CBFA2T2: variants seen among roughly 807,000 people sequenced by gnomAD.
The protein encoded by CBFA2T2 is protein CBFA2T2.
Under a neutral mutation model 62.2 loss-of-function variants are expected in CBFA2T2, and 11 were observed. The observed-to-expected ratio is 0.18, with a 90% CI of 0.11 to 0.29. The LOEUF (loss-of-function observed/expected upper bound fraction) is 0.29, where lower values mean the gene tolerates loss of function less well. Among genes scored for constraint, CBFA2T2 ranks in the 10% least tolerant of loss-of-function variants. The pLI, the probability that CBFA2T2 is intolerant of heterozygous loss-of-function variation, is 1.00. For missense variants in CBFA2T2, 592 were observed against 774.1 expected (o/e 0.76, Z 2.79); for synonymous variants, 295 against 287.5 (o/e 1.03, Z -0.27).
At chr20:33,628,676 C>T (rs1470078052) in intron 7 of CBFA2T2, among the ~76,000 whole-genome samples, 1 of 152,124 alleles carries the variant, frequency 6.6e-6, no homozygotes, top group African/African-American at 2.4e-5. Context: ...GCCATGTTGG[C>T]CAGGCTGGTC....
chr20:33,616,076 TAGAGATAG>T (rs1177182339), intron 3 of CBFA2T2, among the ~76,000 whole-genome samples: 1 of 128,158 alleles, frequency 7.8e-6, no homozygotes, highest in African/African-American at 2.9e-5. Context: ...ACTCTGTAGA[TAGAGATAG>T]ATAGATAGAT....
intron 1 of CBFA2T2, among the ~76,000 whole-genome samples, chr20:33,507,174 T>A (rs1396216559): frequency 1.3e-5 from 2 of 152,184 alleles, no homozygotes; most frequent in Non-Finnish European, 2.9e-5. Flanking sequence ...AGTTATTGAT[T>A]TTCTAGGATA....
At chr20:33,589,898 T>G (rs2014538800) in intron 1 of CBFA2T2, among the ~76,000 whole-genome samples, 1 of 152,156 alleles carries the variant, frequency 6.6e-6, no homozygotes, top group African/African-American at 2.4e-5. Context: ...CTAAGAAATT[T>G]CAATATATAA....
chr20:33,573,083 TC>T (rs1436751416), intron 1 of CBFA2T2, among the ~76,000 whole-genome samples: 3 of 152,216 alleles, frequency 2.0e-5, no homozygotes, highest in African/African-American at 7.2e-5. Flanking sequence ...TCCTTATTAT[TC>T]ATCCATTCAT....
chr20:33,502,974 C>G (rs1450667375), intron 1 of CBFA2T2, among the ~76,000 whole-genome samples: 1 of 148,668 alleles, frequency 6.7e-6, no homozygotes, highest in African/African-American at 2.5e-5. Flanking sequence ...ATCTGTAGTC[C>G]CAGCTACTCC....
chr20:33,642,218 G>A (rs2016885568), intron 10 of CBFA2T2, among the ~76,000 whole-genome samples: 1 of 149,792 alleles, frequency 6.7e-6, no homozygotes, highest in Non-Finnish European at 1.5e-5. Context: ...CTGGGCTCAA[G>A]CTATATATAC....
intron 1 of CBFA2T2, among the ~76,000 whole-genome samples, chr20:33,571,766 GA>G (rs1214982946): frequency 6.6e-6 from 1 of 152,170 alleles, no homozygotes; most frequent in African/African-American, 2.4e-5. Flanking sequence ...TTGCTGATCT[GA>G]AGATATCTTT....
intron 4 of CBFA2T2, among the ~76,000 whole-genome samples, chr20:33,621,578 C>T (rs942170136): frequency 6.6e-6 from 1 of 151,958 alleles, no homozygotes; most frequent in Non-Finnish European, 1.5e-5. Context: ...TGGGATTACA[C>T]GTGTGAGCCA....
intron 1 of CBFA2T2, among the ~76,000 whole-genome samples, chr20:33,578,571 T>C (rs571381307): frequency 6.6e-6 from 1 of 152,352 alleles, no homozygotes; most frequent in Admixed American, 6.5e-5. Flanking sequence ...AGCCCTCTGC[T>C]TGTGGTGCAT....
chr20:33,560,856 C>T (rs2013060221), intron 1 of CBFA2T2, among the ~76,000 whole-genome samples: 1 of 152,092 alleles, frequency 6.6e-6, no homozygotes, highest in Non-Finnish European at 1.5e-5. Flanking sequence ...CCCCGCCTTC[C>T]CCTGGCCATC....
intron 1 of CBFA2T2, among the ~76,000 whole-genome samples, chr20:33,596,063 T>G (rs2014871462): frequency 6.6e-6 from 1 of 152,240 alleles, no homozygotes; most frequent in South Asian, 2.1e-4. Context: ...CTAGCTGGTC[T>G]GGAATTTGGC....
At position 33,632,219 on chromosome 20, in the gene CBFA2T2, T is replaced by C. The variant is rs185632983; in HGVS notation, c.1228+2305T>C. ...CCACCATGCCTGGCTACGTTTTGTATTTTTAGTAGAGATGGGGTTTCACCA... is the reference window on the plus strand; with the variant it reads ...CCACCATGCCTGGCTACGTTTTGTACTTTTAGTAGAGATGGGGTTTCACCA... On this transcript the variant is annotated intron_variant, in intron 8 of 10. Transcript: ENST00000342704. Among the ~76,000 whole-genome samples, 1,242 of 152,070 alleles carry C rather than the reference T, an allele frequency of 8.2e-3. 15 individuals are homozygous for C. The highest frequency in any genetic ancestry group is 0.037 in the Admixed American group (558 of 15,266).
At position 33,629,925 on chromosome 20, in the gene CBFA2T2, A is replaced by G; in HGVS notation, c.1228+11A>G. On this transcript the variant is annotated intron_variant, in intron 8 of 10. Transcript: ENST00000342704. ...ATTCTCTCAGCAATGGTAAGGGGAG[A>G]GTCTACGGGAAACCCAAAATAAATG... is the stretch of plus-strand genomic sequence containing the variant. The G allele has an allele frequency of 6.3e-7, 1 of 1,589,222 alleles. No homozygotes were observed. Among genetic ancestry groups the G allele is most frequent in the South Asian group, 1.1e-5 (1 of 87,268 alleles).
chr20:33,509,343 G>C (rs1035706915), intron 1 of CBFA2T2, among the ~76,000 whole-genome samples: 2 of 151,908 alleles, frequency 1.3e-5, no homozygotes, highest in Non-Finnish European at 2.9e-5. Flanking sequence ...CTCCAGCCTA[G>C]GCGACACAGC....
intron 9 of CBFA2T2, chr20:33,638,875 A>G (rs1467206851): frequency 1.3e-5 from 2 of 152,240 alleles, no homozygotes; most frequent in Admixed American, 6.5e-5. Context: ...ACCAGGTAGG[A>G]TGATGGTAAG....
At chr20:33,497,544 A>G (rs1229847493) in intron 1 of CBFA2T2, among the ~76,000 whole-genome samples, 1 of 133,564 alleles carries the variant, frequency 7.5e-6, no homozygotes, top group Non-Finnish European at 1.6e-5. Context: ...TGAAGCTTGT[A>G]TACTTTTTTT....
intron 3 of CBFA2T2, among the ~76,000 whole-genome samples, chr20:33,612,895 G>A (rs1352877395): frequency 2.6e-5 from 4 of 152,152 alleles, no homozygotes; most frequent in African/African-American, 9.7e-5. Context: ...AGACCAGCCT[G>A]GGTACATAGT....
At chr20:33,522,356 C>T (rs934906824) in intron 1 of CBFA2T2, among the ~76,000 whole-genome samples, 5 of 152,114 alleles carry the variant, frequency 3.3e-5, no homozygotes, top group Non-Finnish European at 1.5e-5. Flanking sequence ...GAAACAGCAG[C>T]ATAGATAAGT....
intron 6 of CBFA2T2, among the ~76,000 whole-genome samples, chr20:33,627,107 C>A (rs2016260841): frequency 6.6e-6 from 1 of 152,064 alleles, no homozygotes; most frequent in African/African-American, 2.4e-5. Context: ...TTAAAAACTG[C>A]TTGCGGGCGG....
Sources: gnomAD v4.1 joint callset for allele counts (sites outside exome capture counted in the v4.1 genomes callset) on GRCh38, gnomAD v4.1.1 for gene constraint, MANE v1.5 for transcripts, NCBI Gene and HGNC (gene_info 2026-07-23, HGNC 2026-07-21) for gene names.